Variants in CREB5 observed in about 807,000 individuals in gnomAD.
CREB5 encodes the protein cAMP responsive element binding protein 5, also known as cyclic AMP-responsive element-binding protein 5.
CREB5 carries 19 observed loss-of-function variants against 57.1 expected under a neutral mutation model. The ratio of observed to expected loss-of-function variants is 0.33; its 90% confidence interval spans 0.23 to 0.49. CREB5 has a LOEUF of 0.49. Among genes scored for constraint, CREB5 ranks in the 20% least tolerant of loss-of-function variants. CREB5 has a pLI of 0.99. For missense variants in CREB5, 579 were observed against 671.6 expected, an observed-to-expected ratio of 0.86 and a Z score of 1.52; for synonymous variants, 238 against 238.3, an observed-to-expected ratio of 1.00 and a Z score of 0.01.
At chr7:28,406,424 G>C (rs1160186554) in intron 1 of CREB5, among the ~76,000 whole-genome samples, 2 of 152,220 alleles carry the variant, frequency 1.3e-5, no homozygotes, top group Non-Finnish European at 2.9e-5. Flanking sequence ...CACCGCCAAT[G>C]GTACCTCGGG....
chr7:28,481,494 T>C (rs1175036907), intron 1 of CREB5, among the ~76,000 whole-genome samples: 1 of 152,168 alleles, frequency 6.6e-6, no homozygotes, highest in Non-Finnish European at 1.5e-5. Flanking sequence ...ACTTATAAGG[T>C]ACAGCCCCAC....
At chr7:28,504,424 G>T (rs1408791740) in intron 3 of CREB5, among the ~76,000 whole-genome samples, 5 of 152,150 alleles carry the variant, frequency 3.3e-5, no homozygotes, top group Admixed American at 3.3e-4. Flanking sequence ...TCTAAGGTGT[G>T]CTCATTGAGT....
At chr7:28,644,229 T>C (rs1227654864) in intron 5 of CREB5, among the ~76,000 whole-genome samples, 1 of 152,092 alleles carries the variant, frequency 6.6e-6, no homozygotes, top group Non-Finnish European at 1.5e-5. Flanking sequence ...GTAATGTAGC[T>C]GAGTGTCTTG....
At chr7:28,431,575 T>C (rs1165699803) in intron 1 of CREB5, among the ~76,000 whole-genome samples, 1 of 152,194 alleles carries the variant, frequency 6.6e-6, no homozygotes, top group Non-Finnish European at 1.5e-5. Flanking sequence ...CTTTCAAATA[T>C]TGGAGGTAAA....
chr7:28,785,915 G>T (rs577779208), intron 7 of CREB5, among the ~76,000 whole-genome samples: 50 of 152,274 alleles, frequency 3.3e-4, no homozygotes, highest in African/African-American at 1.1e-3. Context: ...TGTTTAAAGG[G>T]TCATATGGAA....
At chr7:28,776,052 G>C (rs1041608019) in intron 7 of CREB5, among the ~76,000 whole-genome samples, 1 of 152,140 alleles carries the variant, frequency 6.6e-6, no homozygotes, top group Non-Finnish European at 1.5e-5. Flanking sequence ...AAAGTTAAGC[G>C]TGCGGCTGGG....
intron 9 of CREB5, among the ~76,000 whole-genome samples, chr7:28,816,894 T>C (rs1214163468): frequency 6.6e-6 from 1 of 152,224 alleles, no homozygotes; most frequent in Non-Finnish European, 1.5e-5. Context: ...ATATTATTGA[T>C]CACAATTTTT....
intron 5 of CREB5, among the ~76,000 whole-genome samples, chr7:28,687,152 A>G (rs924015622): frequency 3.3e-5 from 5 of 152,146 alleles, no homozygotes; most frequent in Admixed American, 2.6e-4. Flanking sequence ...CCTTTCCCCT[A>G]TTATTTCAGT....
chr7:28,374,258 A>G (rs538933945), intron 1 of CREB5, among the ~76,000 whole-genome samples: 2 of 152,322 alleles, frequency 1.3e-5, no homozygotes, highest in East Asian at 3.9e-4. Flanking sequence ...GAACCCTCCT[A>G]CATTGCTGGT....
At chr7:28,726,289 G>A (rs1420115189) in intron 7 of CREB5, among the ~76,000 whole-genome samples, 2 of 152,084 alleles carry the variant, frequency 1.3e-5, no homozygotes, top group Non-Finnish European at 2.9e-5. Context: ...CTCTACCCCT[G>A]TTATTGCCAA....
At chr7:28,406,013 A>G (rs1262586769) in intron 1 of CREB5, among the ~76,000 whole-genome samples, 1 of 152,118 alleles carries the variant, frequency 6.6e-6, no homozygotes, top group African/African-American at 2.4e-5. Flanking sequence ...TGCTTACTCC[A>G]CTAAGTTTGA....
At chr7:28,623,420 A>G (rs533672258) in intron 5 of CREB5, among the ~76,000 whole-genome samples, 1 of 152,368 alleles carries the variant, frequency 6.6e-6, no homozygotes, top group East Asian at 1.9e-4. Flanking sequence ...AAATAGCTTT[A>G]TAGATCAAAC....
intron 1 of CREB5, among the ~76,000 whole-genome samples, chr7:28,314,858 C>G (rs4722784): frequency 6.6e-6 from 1 of 152,122 alleles, no homozygotes; most frequent in Non-Finnish European, 1.5e-5. Context: ...AATTTGGCAA[C>G]TGCTGCCAAT....
At chr7:28,674,707 G>A (rs551919057) in intron 5 of CREB5, among the ~76,000 whole-genome samples, 2 of 152,310 alleles carry the variant, frequency 1.3e-5, no homozygotes, top group Non-Finnish European at 2.9e-5. Context: ...GCACAAGCCT[G>A]TATCACTACT....
At chr7:28,614,808 C>G (rs962768698) in intron 5 of CREB5, among the ~76,000 whole-genome samples, 15 of 152,266 alleles carry the variant, frequency 9.9e-5, no homozygotes, top group African/African-American at 3.4e-4. Flanking sequence ...CAATTATCAG[C>G]TTACAATCAC....
rs143821305 is a variant in CREB5 at position 28,306,081 on chromosome 7, T to C, written c.-25+6640T>C. Among the ~76,000 whole-genome samples the C allele has an allele frequency of 4.4e-3, 668 of 152,312 alleles. 3 individuals carry two copies. The highest frequency in any genetic ancestry group is 7.1e-3 in the Non-Finnish European group (481 of 68,012). The stretch of plus-strand genomic sequence containing the variant: ...CAATGCTACAGTTATTCCTGGATGG[T>C]ATCTTTGTGCCACCTGTTTGAGAAA... On this transcript the variant is annotated intron_variant, in intron 1 of 9. Coordinates refer to the CREB5 transcript ENST00000396299.
At chr7:28,545,860 T>G (rs1794398517) in intron 4 of CREB5, among the ~76,000 whole-genome samples, 1 of 152,232 alleles carries the variant, frequency 6.6e-6, no homozygotes. Flanking sequence ...TTTCTTGTGC[T>G]ATTACTTTTT....
intron 4 of CREB5, among the ~76,000 whole-genome samples, chr7:28,560,915 C>CGTGCGCGCGCGT (rs1795176213): frequency 2.4e-4 from 4 of 16,900 alleles, no homozygotes; most frequent in Admixed American, 5.7e-4. Flanking sequence ...CGTGCGTGTG[C>CGTGCGCGCGCGT]GTGTGTGCGC....
intron 7 of CREB5, among the ~76,000 whole-genome samples, chr7:28,727,370 C>T (rs1056960351): frequency 1.1e-4 from 17 of 151,986 alleles, no homozygotes; most frequent in African/African-American, 3.6e-4. Context: ...GGGAGCAATA[C>T]GTGTCTTAGA....
Sources: allele counts gnomAD v4.1 joint callset (sites outside exome capture counted in the v4.1 genomes callset), GRCh38; gene constraint gnomAD v4.1.1; transcripts MANE v1.5; gene names NCBI Gene and HGNC (gene_info 2026-07-23, HGNC 2026-07-21).